Variants in APLF observed in about 807,000 individuals in gnomAD.
APLF encodes the protein aprataxin and PNK-like factor.
In APLF, 61 loss-of-function variants were observed where a neutral mutation model predicts 55.6. The observed-to-expected ratio is 1.10, with a 90% CI of 0.89 to 1.36. APLF has a LOEUF of 1.36. Among genes scored for constraint, APLF ranks in the 40% most tolerant of loss-of-function variants. The pLI, the probability that APLF is intolerant of heterozygous loss-of-function variation, is 0.00. For synonymous variants in APLF, 207 were observed against 214.8 expected (o/e 0.96, Z 0.32); for missense variants, 611 against 602.5 (o/e 1.01, Z -0.15).
At position 68,579,519 on chromosome 2, in the gene APLF, C is replaced by A; in HGVS notation, c.*1497C>A. On this transcript the variant is annotated 3_prime_UTR_variant, in exon 10 of 10. Coordinates refer to ENST00000303795, the MANE Select transcript of APLF (RefSeq NM_173545.3). The stretch of plus-strand genomic sequence containing the variant: ...TCAATAGAAGCATTATTCTTAACAG[C>A]CAAAAAGTATAAACACCCAAAGTCT... 1 of 578,760 alleles carries A rather than the reference C, an allele frequency of 1.7e-6. No individual in the cohort carries two copies. Among genetic ancestry groups the A allele is most frequent in the Non-Finnish European group, 2.2e-6 (1 of 459,324 alleles). The allele number at this position is 578,760 out of a possible 1,614,324, so 35.9% of individuals were successfully genotyped here.
intron 1 of APLF, among the ~76,000 whole-genome samples, chr2:68,468,226 C>T (rs934288607): frequency 6.6e-6 from 1 of 152,158 alleles, no homozygotes; most frequent in Non-Finnish European, 1.5e-5. Context: ...CTTGTAAAGC[C>T]TAAAATATTT....
chr2:68,481,579 G>A (rs1449147052), intron 1 of APLF, among the ~76,000 whole-genome samples: 1 of 152,058 alleles, frequency 6.6e-6, no homozygotes, highest in African/African-American at 2.4e-5. Context: ...TAAGTGCCTT[G>A]GAGAGGAACT....
intron 8 of APLF, among the ~76,000 whole-genome samples, chr2:68,554,573 T>C (rs1670952894): frequency 6.6e-6 from 1 of 152,080 alleles, no homozygotes; most frequent in Non-Finnish European, 1.5e-5. Context: ...CTATGATTTC[T>C]TTCAGCAGTG....
rs190260970 is a variant in APLF, at chr2:68,555,215, C to T, written c.1286+9903C>T. Among the ~76,000 whole-genome samples the T allele has an allele frequency of 3.0e-3, 463 of 152,060 alleles. 2 individuals carry two copies. The highest frequency in any genetic ancestry group is 0.011 in the African/African-American group (445 of 41,536). Reference sequence around the variant, plus strand: ...CAGAAACTGTAAAAATTATAGAAGACAAAACTGGAAAAACCCTTCTAGACA... The same window carrying T: ...CAGAAACTGTAAAAATTATAGAAGATAAAACTGGAAAAACCCTTCTAGACA... On this transcript the variant is annotated intron_variant, in intron 8 of 9. Transcript: ENST00000303795.
At chr2:68,531,988 T>C (rs186245985) in intron 6 of APLF, among the ~76,000 whole-genome samples, 193 of 152,288 alleles carry the variant, frequency 1.3e-3, no homozygotes, top group African/African-American at 4.5e-3. Context: ...TTACCTCTTC[T>C]AGCACAGGAA....
chr2:68,498,209 T>A (rs1400157701), intron 2 of APLF, among the ~76,000 whole-genome samples: 1 of 152,216 alleles, frequency 6.6e-6, no homozygotes, highest in Non-Finnish European at 1.5e-5. Context: ...CAGTCACAAA[T>A]TCTTTGATCT....
intron 8 of APLF, 72 bp from the exon 9 acceptor site, chr2:68,567,269 T>G: frequency 7.8e-7 from 1 of 1,285,672 alleles, no homozygotes; most frequent in Non-Finnish European, 1.1e-6. Context: ...GTCAGTGTTC[T>G]GGTTTAGTGT....
chr2:68,496,998 A>G (rs988243075), intron 2 of APLF, among the ~76,000 whole-genome samples: 1 of 152,188 alleles, frequency 6.6e-6, no homozygotes, highest in Admixed American at 6.5e-5. Context: ...ACACTTTTAC[A>G]TATCTTCATA....
At chr2:68,563,268 A>G in intron 8 of APLF, 1 of 985,132 alleles carries the variant, frequency 1.0e-6, no homozygotes, top group Non-Finnish European at 1.2e-6. Context: ...ACATGTACCT[A>G]ACATTTTTTC....
intron 1 of APLF, among the ~76,000 whole-genome samples, chr2:68,479,857 T>C (rs13422657): frequency 0.24 from 35,983 of 152,036 alleles, 6,811 homozygotes; most frequent in African/African-American, 0.53. Context: ...TGAGCAGCTC[T>C]TCCTATTCCT....
intron 5 of APLF, among the ~76,000 whole-genome samples, chr2:68,517,091 TATATA>T (rs1460399052): frequency 1.6e-5 from 2 of 124,388 alleles, no homozygotes; most frequent in African/African-American, 6.5e-5. Flanking sequence ...ATGTTATTAA[TATATA>T]ATATACTAAT....
intron 2 of APLF, among the ~76,000 whole-genome samples, chr2:68,497,528 GCCTCC>G: frequency 6.6e-6 from 1 of 151,710 alleles, no homozygotes; most frequent in Admixed American, 6.6e-5. Flanking sequence ...GTTTCCTGAG[GCCTCC>G]CCAGCCATGC....
chr2:68,504,910 C>G (rs1424483511), intron 3 of APLF, among the ~76,000 whole-genome samples: 1 of 151,970 alleles, frequency 6.6e-6, no homozygotes, highest in East Asian at 1.9e-4. Context: ...TAGTAAGAAG[C>G]TACAAAGGAG....
At chr2:68,564,974 T>G (rs1311666049) in intron 8 of APLF, among the ~76,000 whole-genome samples, 1 of 152,126 alleles carries the variant, frequency 6.6e-6, no homozygotes, top group African/African-American at 2.4e-5. Flanking sequence ...ATGAATTAAC[T>G]AAATACAATT....
In APLF at chr2:68,467,595, G is replaced by C. The variant is rs1675466997; in HGVS notation, c.-137G>C. ...CTGGGGCCGGGCTCTGAGAGGACCG[G>C]CGCAGCCGCGGGGAGCCTTTGAGGC... On this transcript the variant is annotated 5_prime_UTR_variant, in exon 1 of 10. Transcript: ENST00000303795. 1 of 637,862 alleles carries C rather than the reference G, an allele frequency of 1.6e-6. No individual in the cohort carries two copies. Among genetic ancestry groups the C allele is most frequent in the South Asian group, 8.3e-5 (1 of 12,068 alleles). The allele number at this position is 637,862 out of a possible 1,614,324, so 39.5% of individuals were successfully genotyped here. A position where few individuals can be genotyped will look rare whatever the true frequency, so the allele number is the denominator to read the frequency against.
intron 5 of APLF, among the ~76,000 whole-genome samples, chr2:68,520,377 G>T (rs1669862067): frequency 6.6e-6 from 1 of 151,908 alleles, no homozygotes; most frequent in Non-Finnish European, 1.5e-5. Flanking sequence ...TCTTGGTCAT[G>T]AAGTCTTTTC....
chr2:68,566,307 G>A (rs1671308923), intron 8 of APLF, among the ~76,000 whole-genome samples: 1 of 152,014 alleles, frequency 6.6e-6, no homozygotes, highest in South Asian at 2.1e-4. Context: ...TATATTATAA[G>A]GAGTATTTCC....
intron 9 of APLF, 67 bp from the exon 10 acceptor site, chr2:68,577,753 G>C (rs1395544859): frequency 6.4e-7 from 1 of 1,560,610 alleles, no homozygotes; most frequent in Non-Finnish European, 8.8e-7. Flanking sequence ...ACATTTTATA[G>C]GTAGATGTCT....
At chr2:68,493,781 T>C (rs903450407) in intron 2 of APLF, among the ~76,000 whole-genome samples, 2 of 152,142 alleles carry the variant, frequency 1.3e-5, no homozygotes, top group Non-Finnish European at 2.9e-5. Context: ...CTGGCCAACA[T>C]GGTGAAACCC....
Sources: gnomAD v4.1 joint callset for allele counts (sites outside exome capture counted in the v4.1 genomes callset) on GRCh38, gnomAD v4.1.1 for gene constraint, MANE v1.5 for transcripts, NCBI Gene and HGNC (gene_info 2026-07-23, HGNC 2026-07-21) for gene names.